P3H2: variants seen among roughly 807,000 people sequenced by gnomAD.
The protein encoded by P3H2 is prolyl 3-hydroxylase 2.
P3H2 carries 80 observed loss-of-function variants against 87.0 expected under a neutral mutation model. That is an observed-to-expected ratio of 0.92 (90% CI 0.77 to 1.11). The LOEUF (loss-of-function observed/expected upper bound fraction) is 1.11, where lower values mean the gene tolerates loss of function less well. P3H2 is among the 50% of genes least tolerant of loss of function. P3H2 has a pLI of 0.00. For synonymous variants in P3H2, 367 were observed against 359.3 expected (o/e 1.02, Z -0.24); for missense variants, 1,001 against 923.9 (o/e 1.08, Z -1.08).
At chr3:189,986,736 A>G in intron 6 of P3H2, 52 bp downstream of exon 6, 5 of 1,295,442 alleles carry the variant, frequency 3.9e-6, no homozygotes, top group Non-Finnish European at 5.6e-6. Context: ...AAAAACATAA[A>G]AAGGATTCCA....
intron 1 of P3H2, among the ~76,000 whole-genome samples, chr3:190,026,670 A>G (rs1364646001): frequency 6.6e-6 from 1 of 152,244 alleles, no homozygotes; most frequent in Non-Finnish European, 1.5e-5. Context: ...CCATGGAGTA[A>G]GTATTCTTTT....
At chr3:190,083,676 AC>A (rs1273041054) in intron 1 of P3H2, among the ~76,000 whole-genome samples, 1 of 152,182 alleles carries the variant, frequency 6.6e-6, no homozygotes, top group Non-Finnish European at 1.5e-5. Flanking sequence ...TCCCCTAGTC[AC>A]CCATTGATAT....
At chr3:190,103,116 T>TAA (rs563255255) in intron 1 of P3H2, among the ~76,000 whole-genome samples, 45 of 152,284 alleles carry the variant, frequency 3.0e-4, no homozygotes, top group South Asian at 1.5e-3. Context: ...AACCAAAAAA[T>TAA]AAAAATTGTG....
chr3:190,077,081 GA>G (rs1266281884), intron 1 of P3H2, among the ~76,000 whole-genome samples: 1 of 152,166 alleles, frequency 6.6e-6, no homozygotes, highest in Non-Finnish European at 1.5e-5. Context: ...AAAAGAGGTA[GA>G]AAAACTTTCC....
rs538784403 is a variant in P3H2, at chr3:190,085,966, C to T, written c.480+34286G>A. Among the ~76,000 whole-genome samples the T allele has an allele frequency of 3.0e-4, 45 of 152,180 alleles. 1 individual carries two copies. The South Asian group carries it at 4.2e-3, about 14-fold the overall frequency. ...CAGGTAAAGAGAGATGGGAATATTC[C>T]ATTGGGTGCAGCAAAATTTACTAAA... On this transcript the variant is annotated intron_variant, in intron 1 of 14. Transcript: ENST00000319332.
intron 10 of P3H2, chr3:189,973,231 CT>C: frequency 1.8e-6 from 1 of 566,042 alleles, no homozygotes; most frequent in Non-Finnish European, 3.1e-6. Flanking sequence ...CTAAAAGCTA[CT>C]TGGTTCCTCT....
At chr3:190,029,766 C>A (rs992830950) in intron 1 of P3H2, among the ~76,000 whole-genome samples, 4 of 151,950 alleles carry the variant, frequency 2.6e-5, no homozygotes, top group African/African-American at 9.7e-5. Context: ...TTTGGGAGGC[C>A]AAGGTGGGTG....
chr3:189,991,162 A>T (rs1038641418), intron 3 of P3H2, among the ~76,000 whole-genome samples: 1 of 152,376 alleles, frequency 6.6e-6, no homozygotes, highest in Admixed American at 6.5e-5. Flanking sequence ...CATAAAACTG[A>T]CATTCCAAAA....
intron 1 of P3H2, among the ~76,000 whole-genome samples, chr3:190,015,909 A>G (rs1724737368): frequency 1.3e-5 from 2 of 151,972 alleles, no homozygotes; most frequent in Admixed American, 6.6e-5. Context: ...GGGTGGAGAA[A>G]TTTGTGCATG....
At chr3:190,026,610 C>G (rs1249711151) in intron 1 of P3H2, among the ~76,000 whole-genome samples, 1 of 152,168 alleles carries the variant, frequency 6.6e-6, no homozygotes, top group Non-Finnish European at 1.5e-5. Flanking sequence ...AGCATATCAT[C>G]AAGAAATAAT....
At chr3:190,100,775 TG>T (rs1711597962) in intron 1 of P3H2, among the ~76,000 whole-genome samples, 1 of 152,034 alleles carries the variant, frequency 6.6e-6, no homozygotes, top group South Asian at 2.1e-4. Context: ...GTGCAGAAAA[TG>T]GTGTTTTTGA....
chr3:190,111,505 G>C (rs1420620752), intron 1 of P3H2, among the ~76,000 whole-genome samples: 1 of 152,078 alleles, frequency 6.6e-6, no homozygotes, highest in Non-Finnish European at 1.5e-5. Flanking sequence ...CAGAAAGATA[G>C]GGTGGTAAAG....
intron 5 of P3H2, among the ~76,000 whole-genome samples, chr3:189,987,101 AC>A (rs1285910118): frequency 6.6e-6 from 1 of 152,206 alleles, no homozygotes; most frequent in African/African-American, 2.4e-5. Flanking sequence ...GAGTTCAACA[AC>A]CTTTGCTAAA....
chr3:189,969,462 CT>C, intron 13 of P3H2: 1 of 896,380 alleles, frequency 1.1e-6, no homozygotes, highest in Non-Finnish European at 1.9e-6. Flanking sequence ...TGGCACACTC[CT>C]CTAGCACAAC....
intron 8 of P3H2, among the ~76,000 whole-genome samples, chr3:189,977,876 C>G (rs1400546512): frequency 4.6e-5 from 7 of 152,108 alleles, no homozygotes; most frequent in African/African-American, 1.7e-4. Context: ...TCCCAAAGTG[C>G]TTGGATTCGA....
chr3:190,100,006 G>C (rs1271771416), intron 1 of P3H2, among the ~76,000 whole-genome samples: 2 of 152,266 alleles, frequency 1.3e-5, no homozygotes, highest in African/African-American at 4.8e-5. Flanking sequence ...GGCCGAGGTG[G>C]GTGGATAACC....
At chr3:189,958,830 A>C (rs1056875341) in intron 14 of P3H2, among the ~76,000 whole-genome samples, 1 of 150,664 alleles carries the variant, frequency 6.6e-6, no homozygotes, top group African/African-American at 2.4e-5. Context: ...CAGCCTCCCA[A>C]GTACCTGGGT....
Position 189,974,575 on chromosome 3 carries a change from G to A in P3H2, c.1435C>T (p.Leu479Phe). 1 of 1,613,930 alleles carries A rather than the reference G, an allele frequency of 6.2e-7. No individual in the cohort carries two copies. The highest frequency in any genetic ancestry group is 1.3e-5 in the African/African-American group (1 of 75,046). The change falls in exon 9 of 15, where the codon CTC (leucine) becomes TTC (phenylalanine). Residue 479 changes from leucine to phenylalanine, a missense_variant. Physicochemically the swap from Leu to Phe is conservative, Grantham distance 22. Transcript: ENST00000319332. Reference protein sequence around the residue: ...NVLSEEQCRELHSVASGIMLV... With the variant: ...NVLSEEQCREFHSVASGIMLV... ...ATCCTCACACTGGCCACGCTGTGGA[G>A]CTCCCGGCACTGTTCTTCCGACAGG...
chr3:190,041,860 T>A (rs1026214335), intron 1 of P3H2, among the ~76,000 whole-genome samples: 119 of 152,298 alleles, frequency 7.8e-4, no homozygotes, highest in African/African-American at 2.7e-3. Flanking sequence ...TTAAAAAAAA[T>A]TTTAACATAC....
Sources: allele counts gnomAD v4.1 joint callset (sites outside exome capture counted in the v4.1 genomes callset), GRCh38; gene constraint gnomAD v4.1.1; transcripts MANE v1.5; gene names NCBI Gene and HGNC (gene_info 2026-07-23, HGNC 2026-07-21).